The following PUDP variants were observed in gnomAD, a reference collection of about 807,000 sequenced individuals.
PUDP encodes pseudouridine 5'-phosphatase, also known as pseudouridine-5'-phosphatase.
Under a neutral mutation model 9.4 loss-of-function variants are expected in PUDP, and 8 were observed. The observed-to-expected ratio is 0.85, with a 90% CI of 0.50 to 1.53. The LOEUF is 1.53. Ranked by LOEUF, PUDP falls within the 40% of genes most tolerant of loss-of-function variation. The pLI, the probability that PUDP is intolerant of heterozygous loss-of-function variation, is 0.00. For missense variants in PUDP, 188 were observed against 189.7 expected (o/e 0.99, Z 0.05); for synonymous variants, 99 against 80.7 (o/e 1.23, Z -1.22).
chrX:6,734,793 A>C (rs2036409038), intron 3 of PUDP, among the ~76,000 whole-genome samples: 2 of 111,520 alleles, frequency 1.8e-5, no homozygotes, highest in Non-Finnish European at 3.8e-5. Flanking sequence ...AATTAAACAA[A>C]AATTAAAGAA....
intron 2 of PUDP, among the ~76,000 whole-genome samples, chrX:7,095,511 T>A: frequency 8.9e-6 from 1 of 112,265 alleles, no homozygotes; most frequent in Non-Finnish European, 1.9e-5. Context: ...TCCTAGGCAC[T>A]GTCCATCTTA....
At position 6,986,328 on chromosome X, in the gene PUDP, G is replaced by C. The variant is rs147278189; in HGVS notation, c.205-7985C>G. ...AGCCCTCTTTTGGGGTCTGGATCCG[G>C]ACCCCTTTCCTGTAACAGCCCTACA... is the stretch of plus-strand genomic sequence containing the variant. On this transcript the variant is annotated intron_variant and NMD_transcript_variant, in intron 1 of 3. Transcript: ENST00000655425. Among the ~76,000 whole-genome samples the C allele has an allele frequency of 4.1e-3, 456 of 111,458 alleles. 3 individuals are homozygous for C. The highest frequency in any genetic ancestry group is 0.014 in the African/African-American group (439 of 30,612).
chrX:6,945,376 GT>G (rs1324631857), intron 3 of PUDP, among the ~76,000 whole-genome samples: 1 of 111,341 alleles, frequency 9.0e-6, no homozygotes, highest in Non-Finnish European at 1.9e-5. Context: ...ACATACCTGT[GT>G]TTTTTCCCCT....
intron 3 of PUDP, among the ~76,000 whole-genome samples, chrX:6,860,801 G>A (rs182345763): frequency 8.7e-4 from 98 of 112,310 alleles, no homozygotes; most frequent in African/African-American, 2.9e-3. Flanking sequence ...CTCATGTTCT[G>A]CCTCCTAATG....
chrX:7,061,914 T>C (rs1200689580), intron 3 of PUDP, among the ~76,000 whole-genome samples: 4 of 111,937 alleles, frequency 3.6e-5, no homozygotes, highest in African/African-American at 1.3e-4. Flanking sequence ...AAAAATTCAC[T>C]ATGAAGTTTA....
intron 3 of PUDP, among the ~76,000 whole-genome samples, chrX:6,767,297 C>T (rs1050780945): frequency 7.1e-5 from 8 of 112,512 alleles, no homozygotes; most frequent in African/African-American, 2.6e-4. Flanking sequence ...TTGTAAAGCA[C>T]CTGCCAGAGG....
intron 1 of PUDP, among the ~76,000 whole-genome samples, chrX:7,121,304 C>A (rs1437043438): frequency 1.8e-5 from 2 of 111,795 alleles, no homozygotes; most frequent in Non-Finnish European, 3.8e-5. Context: ...AACTCCCCTT[C>A]ATAAAATGTG....
intron 1 of PUDP, among the ~76,000 whole-genome samples, chrX:6,996,650 G>A (rs1303828354): frequency 9.8e-6 from 1 of 102,514 alleles, no homozygotes; most frequent in African/African-American, 3.6e-5. Flanking sequence ...ATGTGTGTGT[G>A]TATATATATA....
At chrX:7,061,627 C>T (rs1930406419) in intron 3 of PUDP, among the ~76,000 whole-genome samples, 1 of 102,387 alleles carries the variant, frequency 9.8e-6, no homozygotes, top group Non-Finnish European at 2.0e-5. Context: ...GAACTGTAAC[C>T]TTCCAAAGTC....
chrX:6,788,326 A>G (rs1377957784), intron 3 of PUDP, among the ~76,000 whole-genome samples: 3 of 112,259 alleles, frequency 2.7e-5, no homozygotes, highest in Admixed American at 9.5e-5. Context: ...TAGGCTGAGC[A>G]ATGTTTGGTA....
intron 3 of PUDP, among the ~76,000 whole-genome samples, chrX:6,927,029 G>A (rs1039495601): frequency 1.6e-4 from 16 of 102,098 alleles, no homozygotes; most frequent in African/African-American, 5.8e-4. Flanking sequence ...CTAGGCTCAA[G>A]CAATCCTCCT....
At chrX:7,142,013 G>A (rs1932800232) in intron 1 of PUDP, among the ~76,000 whole-genome samples, 1 of 112,093 alleles carries the variant, frequency 8.9e-6, no homozygotes. Context: ...CACTGACAAC[G>A]TACCTGGTCA....
chrX:6,743,689 G>A (rs987428125), intron 3 of PUDP, among the ~76,000 whole-genome samples: 11 of 111,531 alleles, frequency 9.9e-5, no homozygotes, highest in African/African-American at 3.6e-4. Context: ...GTCTGTCAAC[G>A]TCAGCTCCAC....
intron 3 of PUDP, among the ~76,000 whole-genome samples, chrX:6,787,438 C>T (rs971508115): frequency 1.8e-5 from 2 of 112,056 alleles, no homozygotes; most frequent in Non-Finnish European, 1.9e-5. Flanking sequence ...CGAAGAGGGT[C>T]GTTGCTATGC....
chrX:7,122,867 A>T (rs751445394), intron 1 of PUDP, among the ~76,000 whole-genome samples: 15 of 112,883 alleles, frequency 1.3e-4, no homozygotes, highest in Non-Finnish European at 2.4e-4. Context: ...TTGAATAAAG[A>T]TTAATGAATC....
At chrX:6,786,953 C>T (rs1214359698) in intron 3 of PUDP, among the ~76,000 whole-genome samples, 1 of 111,371 alleles carries the variant, frequency 9.0e-6, no homozygotes, top group African/African-American at 3.3e-5. Flanking sequence ...TTCGATCCTT[C>T]ATGTTCAGTC....
chrX:6,765,282 A>AAAAC (rs889121022), intron 3 of PUDP, among the ~76,000 whole-genome samples: 11 of 110,986 alleles, frequency 9.9e-5, no homozygotes, highest in East Asian at 8.5e-4. Context: ...CCTGTCTCAA[A>AAAAC]AAACAAACAA....
At chrX:6,904,920 G>C (rs181369830) in intron 3 of PUDP, among the ~76,000 whole-genome samples, 1 of 111,727 alleles carries the variant, frequency 9.0e-6, no homozygotes, top group East Asian at 2.9e-4. Context: ...CTTATCTGAT[G>C]CCTGAGGCTA....
chrX:6,847,152 ACT>A (rs997410151), intron 3 of PUDP, among the ~76,000 whole-genome samples: 23 of 111,310 alleles, frequency 2.1e-4, no homozygotes, highest in African/African-American at 7.5e-4. Flanking sequence ...TTTGATGAAA[ACT>A]CTGTGGCTCT....
Sources: allele counts gnomAD v4.1 joint callset (sites outside exome capture counted in the v4.1 genomes callset), GRCh38; gene constraint gnomAD v4.1.1; transcripts MANE v1.5; gene names NCBI Gene and HGNC (gene_info 2026-07-23, HGNC 2026-07-21).